Variants in LDLRAD4 observed in about 807,000 individuals in gnomAD.
LDLRAD4 encodes low density lipoprotein receptor class A domain containing 4, also known as low-density lipoprotein receptor class A domain-containing protein 4.
LDLRAD4 carries 5 observed loss-of-function variants against 17.0 expected under a neutral mutation model. The observed-to-expected ratio is 0.29, with a 90% CI of 0.15 to 0.62. The LOEUF (loss-of-function observed/expected upper bound fraction) is 0.62, where lower values mean the gene tolerates loss of function less well. Among genes scored for constraint, LDLRAD4 ranks in the 20% least tolerant of loss-of-function variants. The pLI is 0.84. For synonymous variants in LDLRAD4, 168 were observed against 171.8 expected (o/e 0.98, Z 0.17); for missense variants, 340 against 424.7 (o/e 0.80, Z 1.75).
intron 1 of LDLRAD4, among the ~76,000 whole-genome samples, chr18:13,232,325 C>A (rs1407439142): frequency 6.6e-6 from 1 of 152,210 alleles, no homozygotes; most frequent in African/African-American, 2.4e-5. Context: ...CTGTCCCACT[C>A]GCCTCCCGCC....
intron 4 of LDLRAD4, among the ~76,000 whole-genome samples, chr18:13,640,229 C>G (rs916576836): frequency 7.0e-6 from 1 of 142,630 alleles, no homozygotes; most frequent in African/African-American, 2.7e-5. Flanking sequence ...GGAGGCGGAG[C>G]TTGCAGTGAG....
intron 3 of LDLRAD4, among the ~76,000 whole-genome samples, chr18:13,616,500 AG>A (rs1278821510): frequency 2.0e-5 from 3 of 152,136 alleles, no homozygotes; most frequent in Non-Finnish European, 4.4e-5. Flanking sequence ...GACGAGAAGG[AG>A]GTCTGTTTCC....
chr18:13,631,052 C>T (rs374004129), intron 4 of LDLRAD4, among the ~76,000 whole-genome samples: 20 of 152,180 alleles, frequency 1.3e-4, no homozygotes, highest in Admixed American at 1.2e-3. Flanking sequence ...AGGGTTCGGG[C>T]GTGGTGTGGC....
intron 2 of LDLRAD4, among the ~76,000 whole-genome samples, chr18:13,403,924 G>C (rs900046707): frequency 4.9e-4 from 75 of 152,230 alleles, no homozygotes; most frequent in Non-Finnish European, 7.1e-4. Flanking sequence ...GAGGCCATCT[G>C]GATGCGCCCT....
chr18:13,569,453 C>T (rs368436968), intron 3 of LDLRAD4, among the ~76,000 whole-genome samples: 19 of 152,316 alleles, frequency 1.2e-4, no homozygotes, highest in African/African-American at 4.6e-4. Context: ...CTTATCTTCA[C>T]TTTACTTTAA....
intron 3 of LDLRAD4, among the ~76,000 whole-genome samples, chr18:13,519,133 T>C (rs943634654): frequency 6.6e-6 from 1 of 152,248 alleles, no homozygotes; most frequent in African/African-American, 2.4e-5. Flanking sequence ...GAATGAACTC[T>C]CTAAGTTCCT....
chr18:13,583,922 C>T (rs2094900706), intron 3 of LDLRAD4, among the ~76,000 whole-genome samples: 3 of 152,202 alleles, frequency 2.0e-5, no homozygotes, highest in South Asian at 2.1e-4. Flanking sequence ...GGGGTCACCT[C>T]GCCCTGCTCC....
At chr18:13,228,682 C>CT (rs2145463850) in intron 1 of LDLRAD4, among the ~76,000 whole-genome samples, 1 of 152,288 alleles carries the variant, frequency 6.6e-6, no homozygotes, top group Admixed American at 6.5e-5. Context: ...TAGTAAGACC[C>CT]TATCTCTACA....
At chr18:13,490,620 A>G (rs557364042) in intron 3 of LDLRAD4, 2 of 152,268 alleles carry the variant, frequency 1.3e-5, no homozygotes, top group East Asian at 3.9e-4. Flanking sequence ...ACTGTAAGTT[A>G]TGTTTACTTT....
intron 4 of LDLRAD4, among the ~76,000 whole-genome samples, chr18:13,626,043 C>T (rs1163844440): frequency 6.6e-6 from 1 of 151,696 alleles, no homozygotes; most frequent in Non-Finnish European, 1.5e-5. Flanking sequence ...TGTTACTGGG[C>T]CTGAATGTGG....
chr18:13,263,584 G>A (rs1183338810), intron 1 of LDLRAD4, among the ~76,000 whole-genome samples: 1 of 152,206 alleles, frequency 6.6e-6, no homozygotes, highest in Non-Finnish European at 1.5e-5. Context: ...TCGAGTCCCA[G>A]CTCTGCCCAT....
At chr18:13,313,369 C>G (rs796314104) in intron 1 of LDLRAD4, among the ~76,000 whole-genome samples, 52 of 152,196 alleles carry the variant, frequency 3.4e-4, no homozygotes, top group African/African-American at 1.2e-3. Flanking sequence ...TCCCCACAGC[C>G]CACTCACACA....
At chr18:13,559,097 G>A (rs996947606) in intron 3 of LDLRAD4, among the ~76,000 whole-genome samples, 2 of 152,218 alleles carry the variant, frequency 1.3e-5, no homozygotes, top group Admixed American at 6.5e-5. Context: ...AGGGAGTCTC[G>A]ATGGATCACC....
At position 13,231,849 on chromosome 18, in the gene LDLRAD4, C is replaced by G. The variant is rs2042094824; in HGVS notation, c.-467+12861C>G. ...TCTTCTTCTCTAATGTGGCTATTAG[C>G]TGAATGAGGAATTCAGGCCAGAGTT... On this transcript the variant is annotated intron_variant, in intron 1 of 5. Coordinates refer to the LDLRAD4 transcript ENST00000399848. Among the ~76,000 whole-genome samples the G allele has an allele frequency of 2.6e-5, 4 of 152,228 alleles. No homozygotes were observed. The South Asian group carries it at 8.3e-4, about 32-fold the overall frequency.
At chr18:13,361,995 A>T (rs1375438816) in intron 1 of LDLRAD4, among the ~76,000 whole-genome samples, 1 of 151,814 alleles carries the variant, frequency 6.6e-6, no homozygotes, top group Non-Finnish European at 1.5e-5. Flanking sequence ...CGTACTTGAC[A>T]TAGGAGGCGA....
chr18:13,244,137 C>G (rs1479519413), intron 1 of LDLRAD4, among the ~76,000 whole-genome samples: 1 of 122,212 alleles, frequency 8.2e-6, no homozygotes, highest in Non-Finnish European at 1.7e-5. Flanking sequence ...CCCACCCACC[C>G]ACCCACCCAT....
chr18:13,349,307 G>A lies in LDLRAD4; in HGVS notation c.-382-38034G>A, dbSNP rs1314978897. On this transcript the variant is annotated intron_variant, in intron 1 of 5. Transcript: ENST00000359446. ...GCTCCATCTCCTACTATGTATTATTGTTGTCATAGATTATGTCTTTGTATA... is the reference window on the plus strand; with the variant it reads ...GCTCCATCTCCTACTATGTATTATTATTGTCATAGATTATGTCTTTGTATA... 2.6e-5 allele frequency among the ~76,000 whole-genome samples: 4 copies of A among 152,142 alleles called. No homozygotes were observed. The East Asian group carries it at 7.7e-4, about 29-fold the overall frequency.
intron 2 of LDLRAD4, among the ~76,000 whole-genome samples, chr18:13,395,605 C>G (rs1434596120): frequency 4.8e-5 from 2 of 42,104 alleles, no homozygotes; most frequent in Non-Finnish European, 8.5e-5. Context: ...GGCGTGGGGG[C>G]GGGAGTTGGC....
intron 1 of LDLRAD4, among the ~76,000 whole-genome samples, chr18:13,295,100 A>G (rs1011755032): frequency 2.0e-5 from 3 of 152,230 alleles, no homozygotes; most frequent in African/African-American, 7.2e-5. Flanking sequence ...AATTGGACCA[A>G]CAGCATTCCT....
Sources: allele counts gnomAD v4.1 joint callset (sites outside exome capture counted in the v4.1 genomes callset), GRCh38; gene constraint gnomAD v4.1.1; transcripts MANE v1.5; gene names NCBI Gene and HGNC (gene_info 2026-07-23, HGNC 2026-07-21).